The following SYNDIG1 variants were observed in gnomAD, a reference collection of about 807,000 sequenced individuals.
SYNDIG1 encodes the protein synapse differentiation inducing 1.
A neutral mutation model predicts 19.4 loss-of-function variants in SYNDIG1; 9 were observed. The observed-to-expected ratio is 0.46, with a 90% CI of 0.28 to 0.81. The LOEUF (loss-of-function observed/expected upper bound fraction) is 0.81, where lower values mean the gene tolerates loss of function less well. SYNDIG1 is among the 30% of genes least tolerant of loss of function. The probability of loss-of-function intolerance (pLI) is 0.12; values close to 1 mark genes in which losing one functional copy is unlikely to be tolerated. For missense variants in SYNDIG1, 311 were observed against 343.3 expected, an observed-to-expected ratio of 0.91 and a Z score of 0.74; for synonymous variants, 141 against 145.9, an observed-to-expected ratio of 0.97 and a Z score of 0.24.
chr20:24,531,238 T>A (rs1262540311), intron 1 of SYNDIG1, among the ~76,000 whole-genome samples: 1 of 152,196 alleles, frequency 6.6e-6, no homozygotes, highest in African/African-American at 2.4e-5. Context: ...ATAATCGGCA[T>A]TCGAGTTTTC....
intron 1 of SYNDIG1, among the ~76,000 whole-genome samples, chr20:24,541,784 T>C (rs1209255598): frequency 6.6e-6 from 1 of 152,084 alleles, no homozygotes; most frequent in Admixed American, 6.5e-5. Flanking sequence ...AAATAAAAAA[T>C]CCCACAAAAG....
Position 24,524,385 on chromosome 20 carries a change from C to A in SYNDIG1, c.-78-18635C>A, listed in dbSNP as rs576544290. 1.2e-3 allele frequency among the ~76,000 whole-genome samples: 185 copies of A among 152,308 alleles called. 1 individual carries two copies. Among genetic ancestry groups the A allele is most frequent in the Middle Eastern group, 3.4e-3 (1 of 294 alleles). ...TGTTGGCCGGCCAGGGTGGCTCACGCCAGTAATCCCAGCACTTTGGGAGGC... is the reference window on the plus strand; with the variant it reads ...TGTTGGCCGGCCAGGGTGGCTCACGACAGTAATCCCAGCACTTTGGGAGGC... On this transcript the variant is annotated intron_variant, in intron 1 of 3. Coordinates refer to ENST00000376862, the MANE Select transcript of SYNDIG1 (RefSeq NM_024893.3).
chr20:24,654,603 AAGG>A (rs2059504056), intron 3 of SYNDIG1, among the ~76,000 whole-genome samples: 4 of 149,002 alleles, frequency 2.7e-5, no homozygotes, highest in African/African-American at 9.9e-5. Flanking sequence ...GAGAGAAAGA[AAGG>A]AGAGAAGGAA....
At chr20:24,617,564 G>A (rs1231935761) in intron 3 of SYNDIG1, among the ~76,000 whole-genome samples, 1 of 152,142 alleles carries the variant, frequency 6.6e-6, no homozygotes, top group South Asian at 2.1e-4. Flanking sequence ...CTCCTTCTGC[G>A]AAGGGGCCCC....
intron 3 of SYNDIG1, among the ~76,000 whole-genome samples, chr20:24,655,453 G>T (rs757080691): frequency 3.3e-5 from 5 of 152,304 alleles, no homozygotes; most frequent in African/African-American, 4.8e-5. Flanking sequence ...GTCGGTCAGT[G>T]ATAGGTAGTT....
intron 3 of SYNDIG1, among the ~76,000 whole-genome samples, chr20:24,632,716 G>A (rs1029105710): frequency 1.3e-5 from 2 of 152,224 alleles, no homozygotes; most frequent in Non-Finnish European, 2.9e-5. Flanking sequence ...CGGGGAAACA[G>A]CAGGAAGCCT....
chr20:24,588,738 G>C (rs904179781), intron 3 of SYNDIG1, among the ~76,000 whole-genome samples: 5 of 152,214 alleles, frequency 3.3e-5, no homozygotes, highest in Non-Finnish European at 7.3e-5. Flanking sequence ...AGGGAAGGGA[G>C]GGATGCCCTG....
chr20:24,528,040 A>C (rs1459861191), intron 1 of SYNDIG1, among the ~76,000 whole-genome samples: 1 of 152,182 alleles, frequency 6.6e-6, no homozygotes, highest in African/African-American at 2.4e-5. Context: ...TGCCCCTTCA[A>C]GTAATCTTCC....
intron 1 of SYNDIG1, among the ~76,000 whole-genome samples, chr20:24,534,570 G>A (rs374460947): frequency 1.3e-5 from 2 of 152,222 alleles, no homozygotes; most frequent in Non-Finnish European, 2.9e-5. Flanking sequence ...AGGGCTTGCC[G>A]TCAGCGGGTC....
At chr20:24,561,070 GA>G in intron 2 of SYNDIG1, among the ~76,000 whole-genome samples, 1 of 151,670 alleles carries the variant, frequency 6.6e-6, no homozygotes, top group Admixed American at 6.6e-5. Context: ...GCATAGCTTA[GA>G]GGTCAGTCAG....
rs538134985 is a variant in SYNDIG1 at position 24,578,834 on chromosome 20, C to T, written c.481-6022C>T. 2.0e-5 allele frequency among the ~76,000 whole-genome samples: 3 copies of T among 152,298 alleles called. No individual in the cohort carries two copies. In the East Asian group the frequency reaches 5.8e-4, roughly 30 times the overall value. ...GCGCAAGGTCAGAGATCACCAGATC[C>T]TCACTTTTGTGCCTTTCCACAGTGT... On this transcript the variant is annotated intron_variant, in intron 2 of 3. Coordinates refer to ENST00000376862, the MANE Select transcript of SYNDIG1 (RefSeq NM_024893.3).
At chr20:24,636,926 T>G (rs140573216) in intron 3 of SYNDIG1, among the ~76,000 whole-genome samples, 187 of 152,384 alleles carry the variant, frequency 1.2e-3, no homozygotes, top group Non-Finnish European at 2.3e-3. Context: ...CAGACCTAGG[T>G]TCTGCCTGGG....
intron 1 of SYNDIG1, among the ~76,000 whole-genome samples, chr20:24,521,866 C>G (rs1426308491): frequency 6.7e-6 from 1 of 148,602 alleles, no homozygotes; most frequent in Non-Finnish European, 1.5e-5. Context: ...CGCCACTGCA[C>G]TCCAGCATGG....
intron 3 of SYNDIG1, among the ~76,000 whole-genome samples, chr20:24,659,855 C>T (rs542562933): frequency 6.6e-6 from 1 of 152,308 alleles, no homozygotes; most frequent in East Asian, 1.9e-4. Flanking sequence ...AAATGAGTTT[C>T]TCTATTCTCT....
chr20:24,528,095 A>G (rs888626591), intron 1 of SYNDIG1, among the ~76,000 whole-genome samples: 11 of 152,206 alleles, frequency 7.2e-5, no homozygotes, highest in Non-Finnish European at 1.3e-4. Flanking sequence ...GCAATCAGTA[A>G]TGTCTCAAAG....
At chr20:24,604,501 A>G (rs1271196801) in intron 3 of SYNDIG1, among the ~76,000 whole-genome samples, 1 of 152,180 alleles carries the variant, frequency 6.6e-6, no homozygotes, top group Non-Finnish European at 1.5e-5. Flanking sequence ...CCGCCATGCT[A>G]AAAGACACTC....
chr20:24,493,153 G>A (rs1483211264), intron 1 of SYNDIG1, among the ~76,000 whole-genome samples: 1 of 152,214 alleles, frequency 6.6e-6, no homozygotes, highest in Non-Finnish European at 1.5e-5. Context: ...AATTACACAA[G>A]CAAACCTAAA....
At chr20:24,604,200 G>A (rs565246659) in intron 3 of SYNDIG1, among the ~76,000 whole-genome samples, 12 of 151,978 alleles carry the variant, frequency 7.9e-5, no homozygotes, top group Non-Finnish European at 1.8e-4. Flanking sequence ...ACACTCGATG[G>A]TTTTGTTCAT....
At chr20:24,508,614 A>G (rs1440325936) in intron 1 of SYNDIG1, among the ~76,000 whole-genome samples, 1 of 152,256 alleles carries the variant, frequency 6.6e-6, no homozygotes, top group Non-Finnish European at 1.5e-5. Context: ...GTTTAAATGA[A>G]CAAACAAAAA....
Sources: gnomAD v4.1 joint callset for allele counts (sites outside exome capture counted in the v4.1 genomes callset) on GRCh38, gnomAD v4.1.1 for gene constraint, MANE v1.5 for transcripts, NCBI Gene and HGNC (gene_info 2026-07-23, HGNC 2026-07-21) for gene names.